PRORP: variants seen among roughly 807,000 people sequenced by gnomAD.
PRORP encodes protein only RNase P catalytic subunit, also known as mitochondrial ribonuclease P catalytic subunit.
Under a neutral mutation model 59.4 loss-of-function variants are expected in PRORP, and 51 were observed. The observed-to-expected ratio is 0.86, with a 90% CI of 0.69 to 1.08. The LOEUF (loss-of-function observed/expected upper bound fraction) is 1.08. Ranked by LOEUF, PRORP falls within the 50% of genes least tolerant of loss-of-function variation. The probability of loss-of-function intolerance (pLI) is 0.00; values close to 1 mark genes in which losing one functional copy is unlikely to be tolerated. For synonymous variants in PRORP, 231 were observed against 245.6 expected, an observed-to-expected ratio of 0.94 and a Z score of 0.55; for missense variants, 646 against 690.3, an observed-to-expected ratio of 0.94 and a Z score of 0.72.
chr14:35,240,067 T>A (rs11623882), intron 5 of PRORP, among the ~76,000 whole-genome samples: 24,199 of 129,470 alleles, frequency 0.19, 2,358 homozygotes, highest in Middle Eastern at 0.27. Context: ...AGAGTAAGAC[T>A]CCATCTCAAA....
chr14:35,263,581 A>T (rs766765529), intron 5 of PRORP, among the ~76,000 whole-genome samples: 7 of 152,154 alleles, frequency 4.6e-5, no homozygotes, highest in Non-Finnish European at 8.8e-5. Flanking sequence ...CAAGGTACTC[A>T]GGAGGCTGAG....
At chr14:35,134,825 C>T (rs764110308) in intron 4 of PRORP, among the ~76,000 whole-genome samples, 1 of 152,186 alleles carries the variant, frequency 6.6e-6, no homozygotes, top group Non-Finnish European at 1.5e-5. Flanking sequence ...AGTCCACTGG[C>T]TCTGAGCCCA....
At position 35,140,384 on chromosome 14, in the gene PRORP, C is replaced by T. The variant is rs1023672750; in HGVS notation, c.1167+12773C>T. On this transcript the variant is annotated intron_variant, in intron 4 of 7. Coordinates refer to ENST00000534898, the MANE Select transcript of PRORP (RefSeq NM_014672.4). Reference sequence around the variant, plus strand: ...GGTTAAGGTTAGTCTCTTTACTGTTCTAATAGGTATGAAGTGGTATCTCAT... The same window carrying T: ...GGTTAAGGTTAGTCTCTTTACTGTTTTAATAGGTATGAAGTGGTATCTCAT... Among the ~76,000 whole-genome samples, 4 of 145,342 alleles carry T rather than the reference C, an allele frequency of 2.8e-5. 1 individual carries two copies. The highest frequency in any genetic ancestry group is 6.1e-5 in the Non-Finnish European group (4 of 65,498).
At chr14:35,169,660 C>G (rs970994644) in intron 4 of PRORP, among the ~76,000 whole-genome samples, 3 of 152,060 alleles carry the variant, frequency 2.0e-5, no homozygotes, top group African/African-American at 7.2e-5. Context: ...GAAACCACCC[C>G]CATAATCTAA....
chr14:35,195,693 TCAAAAA>T (rs1039699813), intron 5 of PRORP, among the ~76,000 whole-genome samples: 1 of 152,100 alleles, frequency 6.6e-6, no homozygotes, highest in African/African-American at 2.4e-5. Flanking sequence ...TTTGAGAAAC[TCAAAAA>T]CAAGCAATTT....
intron 4 of PRORP, chr14:35,158,449 G>C: frequency 3.3e-6 from 1 of 298,702 alleles, no homozygotes; most frequent in Non-Finnish European, 6.7e-6. Flanking sequence ...CTAAGCAAGA[G>C]GTAAATGGTC....
chr14:35,231,933 T>C (rs1022099364), intron 5 of PRORP, among the ~76,000 whole-genome samples: 1 of 152,228 alleles, frequency 6.6e-6, no homozygotes, highest in Non-Finnish European at 1.5e-5. Flanking sequence ...TATACATGCA[T>C]ACTTGCTAAA....
intron 5 of PRORP, among the ~76,000 whole-genome samples, chr14:35,211,490 C>T (rs1226425587): frequency 6.6e-6 from 1 of 152,038 alleles, no homozygotes; most frequent in Non-Finnish European, 1.5e-5. Flanking sequence ...TAACTATCAG[C>T]CAAGAAGAAA....
intron 4 of PRORP, among the ~76,000 whole-genome samples, chr14:35,162,910 G>A (rs569295479): frequency 1.3e-5 from 2 of 152,144 alleles, no homozygotes; most frequent in South Asian, 2.1e-4. Flanking sequence ...GGGATAAAGC[G>A]GGATGTTACT....
At chr14:35,202,454 T>C (rs915196549) in intron 5 of PRORP, among the ~76,000 whole-genome samples, 1 of 152,106 alleles carries the variant, frequency 6.6e-6, no homozygotes, top group Non-Finnish European at 1.5e-5. Context: ...GTGGGTTGTC[T>C]TTTTGGAGGA....
chr14:35,246,053 C>A (rs2050475072), intron 5 of PRORP, among the ~76,000 whole-genome samples: 1 of 152,060 alleles, frequency 6.6e-6, no homozygotes, highest in Non-Finnish European at 1.5e-5. Context: ...CCCAGTGTTA[C>A]TCTTGAAGTC....
intron 5 of PRORP, among the ~76,000 whole-genome samples, chr14:35,199,373 A>G (rs985737421): frequency 6.6e-5 from 10 of 151,562 alleles, no homozygotes; most frequent in African/African-American, 2.2e-4. Flanking sequence ...AGTACTTGCT[A>G]TAGTTTGAAT....
chr14:35,266,918 C>T (rs2051056726), intron 6 of PRORP, 43 bp downstream of exon 6: 5 of 1,597,032 alleles, frequency 3.1e-6, no homozygotes, highest in Non-Finnish European at 3.4e-6. Flanking sequence ...GTGCTGCAGA[C>T]ATCTATCTGC....
chr14:35,134,557 G>A (rs180916928), intron 4 of PRORP, among the ~76,000 whole-genome samples: 26 of 152,112 alleles, frequency 1.7e-4, no homozygotes, highest in African/African-American at 6.3e-4. Context: ...TTCCCTTCTG[G>A]CTCAGAGTGT....
rs921785076 is a variant in PRORP at position 35,180,753 on chromosome 14, T to G, written c.1251T>G (p.Phe417Leu). The G allele has an allele frequency of 3.7e-6, 6 of 1,610,564 alleles. 1 individual carries two copies. In the Admixed American group the frequency reaches 8.3e-5, roughly 22 times the overall value. Residue 417 changes from phenylalanine (F) to leucine (L), a missense_variant, in exon 5 of 8, where the codon TTT (phenylalanine) becomes TTG (leucine). Transcript: ENST00000534898. ...ATGGTCTCAATGTTGCCAAAATGTT[T>G]CCTAAAGTTCGTGAATCTCAACTTG... is the stretch of plus-strand genomic sequence containing the variant. ...VIDGLNVAKM[F>L]PKVRESQLLL...
intron 5 of PRORP, among the ~76,000 whole-genome samples, chr14:35,260,885 G>A (rs372900424): frequency 5.3e-4 from 81 of 152,214 alleles, no homozygotes; most frequent in African/African-American, 1.8e-3. Context: ...GCTTTACCCC[G>A]AAGTCTGTCT....
intron 3 of PRORP, among the ~76,000 whole-genome samples, 176 bp from the exon 4 acceptor site, chr14:35,127,303 C>T (rs1357009980): frequency 6.6e-6 from 1 of 150,980 alleles, no homozygotes; most frequent in Non-Finnish European, 1.5e-5. Flanking sequence ...TTTTCTGGCA[C>T]ACTAATTTGT....
chr14:35,131,139 C>T (rs1216259300), intron 4 of PRORP, among the ~76,000 whole-genome samples: 2 of 150,056 alleles, frequency 1.3e-5, no homozygotes, highest in African/African-American at 2.5e-5. Context: ...GACGGGGTTT[C>T]ACCATGTTGA....
intron 5 of PRORP, among the ~76,000 whole-genome samples, chr14:35,212,790 A>T (rs918334573): frequency 6.6e-5 from 10 of 152,184 alleles, no homozygotes; most frequent in Admixed American, 1.3e-4. Flanking sequence ...TAGCCCTTAC[A>T]AGAGAGTCAG....
Sources: allele counts gnomAD v4.1 joint callset (sites outside exome capture counted in the v4.1 genomes callset), GRCh38; gene constraint gnomAD v4.1.1; transcripts MANE v1.5; gene names NCBI Gene and HGNC (gene_info 2026-07-23, HGNC 2026-07-21).